Variants in CDC20B observed in about 807,000 individuals in gnomAD.
The protein encoded by CDC20B is cell division cycle protein 20 homolog B.
A neutral mutation model predicts 64.1 loss-of-function variants in CDC20B; 58 were observed. The observed-to-expected ratio is 0.90, with a 90% CI of 0.73 to 1.13. The LOEUF (loss-of-function observed/expected upper bound fraction) is 1.13. CDC20B is among the 50% of genes most tolerant of loss of function. The pLI is 0.00. For synonymous variants in CDC20B, 243 were observed against 230.6 expected (o/e 1.05, Z -0.49); for missense variants, 597 against 633.0 (o/e 0.94, Z 0.61).
At chr5:55,172,842 T>G in intron 1 of CDC20B, 96 bp downstream of exon 1, 1 of 1,264,932 alleles carries the variant, frequency 7.9e-7, no homozygotes. Context: ...GGCTTAGAGT[T>G]TCGTACCACC....
At chr5:55,170,715 C>G (rs1431829587) in intron 2 of CDC20B, 2 of 534,008 alleles carry the variant, frequency 3.7e-6, no homozygotes, top group Non-Finnish European at 7.7e-6. Context: ...AGCCAGCTAA[C>G]AATACACTGC....
intron 2 of CDC20B, among the ~76,000 whole-genome samples, chr5:55,147,641 C>T (rs1463336346): frequency 4.0e-5 from 6 of 151,092 alleles, no homozygotes. Flanking sequence ...TATATTTCTT[C>T]TATCTAAAAA....
At position 55,140,432 on chromosome 5, in the gene CDC20B, A is replaced by G. The variant is rs557746758; in HGVS notation, c.487-25T>C. The stretch of plus-strand genomic sequence containing the variant: ...TCTGAAAATAAACACACATAAGGAG[A>G]ATATTTCTTTAAAAACATACATGTA... On this transcript the variant is annotated intron_variant, in intron 4 of 11. Transcript: ENST00000381375. 6 of 1,501,794 alleles carry G rather than the reference A, an allele frequency of 4.0e-6. No individual in the cohort carries two copies. In the South Asian group the frequency reaches 6.9e-5, roughly 17 times the overall value. The allele number at this position is 1,501,794 out of a possible 1,614,324, so 93.0% of individuals were successfully genotyped here.
intron 11 of CDC20B, among the ~76,000 whole-genome samples, chr5:55,119,420 T>C (rs2111796478): frequency 6.6e-6 from 1 of 152,316 alleles, no homozygotes; most frequent in Non-Finnish European, 1.5e-5. Context: ...CTCATGGTCA[T>C]TAGTGGCCTC....
intron 9 of CDC20B, among the ~76,000 whole-genome samples, chr5:55,121,193 C>T (rs893713717): frequency 6.6e-6 from 1 of 152,206 alleles, no homozygotes; most frequent in South Asian, 2.1e-4. Context: ...TTATATGTAT[C>T]TGTGTATCCT....
At chr5:55,145,165 G>A (rs1743435658) in intron 3 of CDC20B, among the ~76,000 whole-genome samples, 1 of 152,124 alleles carries the variant, frequency 6.6e-6, no homozygotes, top group Non-Finnish European at 1.5e-5. Flanking sequence ...TCCCTCAATT[G>A]CAATGAGATA....
chr5:55,146,798 A>G lies in CDC20B; in HGVS notation c.185T>C (p.Leu62Pro). ...ACTCGCAACAGGAACCTCTGCGGACAGCCTCTTCGCAAAGTTGCTCTTAAA... is the reference window on the plus strand; with the variant it reads ...ACTCGCAACAGGAACCTCTGCGGACGGCCTCTTCGCAAAGTTGCTCTTAAA... Reference protein sequence around the residue: ...SDFKSNFAKRLSAEVPVASSP... With the variant: ...SDFKSNFAKRPSAEVPVASSP... The change falls in exon 3 of 12, where the codon CTG becomes CCG. Residue 62 changes from leucine (L) to proline (P), a missense_variant. Leu to Pro is a moderately conservative substitution (Grantham distance 98). This residue lies in a region of CDC20B where 241 missense variants were observed against 219.2 expected (regional missense o/e 1.10). Coordinates refer to ENST00000381375, the MANE Select transcript of CDC20B (RefSeq NM_001170402.1). The G allele has an allele frequency of 6.2e-7, 1 of 1,614,210 alleles. No individual in the cohort carries two copies. The highest frequency in any genetic ancestry group is 8.5e-7 in the Non-Finnish European group (1 of 1,180,038).
At chr5:55,132,330 G>A (rs1743052456) in intron 6 of CDC20B, among the ~76,000 whole-genome samples, 1 of 152,040 alleles carries the variant, frequency 6.6e-6, no homozygotes, top group Admixed American at 6.5e-5. Context: ...CCTCATCTAG[G>A]GAGCTTACAC....
rs199921362 is a variant in CDC20B at position 55,128,435 on chromosome 5, C to T, written c.880G>A (p.Glu294Lys). 4.6e-5 allele frequency: 74 copies of T among 1,603,458 alleles called. No individual in the cohort carries two copies. The highest frequency in any genetic ancestry group is 1.3e-4 in the East Asian group (6 of 44,652). ...CTGGCCAGTACTTGCACTTCTCCCT[C>T]GCTGGTGCCAACTGCCAGGCAAGTT... ...EGTCLAVGTS[E>K]GEVQLWDVVT... The change falls in exon 7 of 12, where the codon GAG becomes AAG. Residue 294 changes from glutamate to lysine, a missense_variant. Physicochemically the swap from Glu to Lys is moderately conservative, Grantham distance 56 (BLOSUM62 1). Transcript: ENST00000381375.
chr5:55,124,944 C>A lies in CDC20B; in HGVS notation c.1074G>T (p.Val358=). Residue 358 remains valine, a synonymous_variant, in exon 9 of 12, where the codon GTG becomes GTT. Coordinates refer to ENST00000381375, the MANE Select transcript of CDC20B (RefSeq NM_001170402.1). ...CATCCGGTGACCACTTCAGAGCACA[C>A]ACAGCTTGCTTGTGGCGAAGTGTTC... ...HVGTLRHKQA[V]CALKWSPDGR... 6.2e-7 allele frequency: 1 copy of A among 1,614,198 alleles called. No individual in the cohort carries two copies. The highest frequency in any genetic ancestry group is 1.1e-5 in the South Asian group (1 of 91,086).
chr5:55,169,065 T>C (rs570505796), intron 2 of CDC20B, among the ~76,000 whole-genome samples: 1 of 152,346 alleles, frequency 6.6e-6, no homozygotes, highest in Admixed American at 6.5e-5. Flanking sequence ...GGTTTTATTT[T>C]TATCACTAGG....
At chr5:55,161,347 T>C in intron 2 of CDC20B, 2 of 1,239,480 alleles carry the variant, frequency 1.6e-6, no homozygotes, top group Non-Finnish European at 2.3e-6. Context: ...ATTTGAAACG[T>C]TGTATCGGGA....
chr5:55,123,943 T>G (rs1192139972), intron 9 of CDC20B, among the ~76,000 whole-genome samples: 2 of 152,272 alleles, frequency 1.3e-5, no homozygotes, highest in East Asian at 3.9e-4. Flanking sequence ...GGAAGCCCTG[T>G]AATAACTTTT....
intron 2 of CDC20B, chr5:55,170,405 A>G (rs1744558502): frequency 2.5e-6 from 1 of 399,200 alleles, no homozygotes; most frequent in Admixed American, 2.8e-5. Context: ...AAAACTGTGC[A>G]TTGTAAGTAT....
At chr5:55,138,277 C>T (rs1408295727) in intron 5 of CDC20B, among the ~76,000 whole-genome samples, 1 of 152,018 alleles carries the variant, frequency 6.6e-6, no homozygotes, top group Non-Finnish European at 1.5e-5. Context: ...TCTCCTGCCT[C>T]AATCTCCCAA....
At chr5:55,150,991 C>A (rs1743648813) in intron 2 of CDC20B, among the ~76,000 whole-genome samples, 1 of 152,128 alleles carries the variant, frequency 6.6e-6, no homozygotes, top group African/African-American at 2.4e-5. Flanking sequence ...AGCAATACTC[C>A]CACCTAAGCC....
intron 6 of CDC20B, among the ~76,000 whole-genome samples, chr5:55,132,432 G>T (rs189514488): frequency 6.6e-6 from 1 of 152,192 alleles, no homozygotes; most frequent in African/African-American, 2.4e-5. Context: ...CTGCCAAACT[G>T]CTTCTATGTC....
intron 4 of CDC20B, 57 bp downstream of exon 4, chr5:55,143,449 TTTGCAAC>T: frequency 6.7e-7 from 1 of 1,482,276 alleles, no homozygotes; most frequent in Non-Finnish European, 9.0e-7. Context: ...TTCCCTTACA[TTTGCAAC>T]TAAGTTGTCT....
intron 2 of CDC20B, among the ~76,000 whole-genome samples, chr5:55,168,888 G>A (rs1744500932): frequency 6.6e-6 from 1 of 152,098 alleles, no homozygotes; most frequent in South Asian, 2.1e-4. Context: ...CACTATTTGG[G>A]TGATAGGTTC....
Sources: allele counts gnomAD v4.1 joint callset (sites outside exome capture counted in the v4.1 genomes callset), GRCh38; gene constraint gnomAD v4.1.1; regional missense constraint gnomAD v4.1.1; transcripts MANE v1.5; gene names NCBI Gene and HGNC (gene_info 2026-07-23, HGNC 2026-07-21).